EXOSC7: variants seen among roughly 807,000 people sequenced by gnomAD.
EXOSC7 encodes exosome complex component RRP42.
A neutral mutation model predicts 34.3 loss-of-function variants in EXOSC7; 25 were observed. That is an observed-to-expected ratio of 0.73 (90% CI 0.53 to 1.02). The LOEUF (loss-of-function observed/expected upper bound fraction) is 1.02, where lower values mean the gene tolerates loss of function less well. Among genes scored for constraint, EXOSC7 ranks in the 50% least tolerant of loss-of-function variants. The probability of loss-of-function intolerance (pLI) is 0.00; values close to 1 mark genes in which losing one functional copy is unlikely to be tolerated. For missense variants in EXOSC7, 370 were observed against 368.5 expected (o/e 1.00, Z -0.03); for synonymous variants, 130 against 143.0 (o/e 0.91, Z 0.65).
At chr3:44,978,941 A>C (rs1706198436) in intron 1 of EXOSC7, among the ~76,000 whole-genome samples, 1 of 152,134 alleles carries the variant, frequency 6.6e-6, no homozygotes, top group Non-Finnish European at 1.5e-5. Flanking sequence ...TGGGTGATGT[A>C]AGCTTTAAAG....
chr3:45,011,323 T>G lies in EXOSC7; in HGVS notation c.860T>G (p.Val287Gly). The G allele has an allele frequency of 1.2e-6, 2 of 1,611,394 alleles. No individual in the cohort carries two copies. The highest frequency in any genetic ancestry group is 1.7e-6 in the Non-Finnish European group (2 of 1,178,126). ...EESLGPKRQK[V>G]GFLG ...AGCCTGGGGCCCAAGAGACAGAAAG[T>G]TGGATTCCTGGGATGATTTGCACAT... Residue 287 changes from valine (V) to glycine (G), a missense_variant, in exon 8 of 8, where the codon GTT (valine) becomes GGT (glycine). Physicochemically the swap from Val to Gly is moderately radical, Grantham distance 109. Around this residue, in one of 3 missense-constraint regions of EXOSC7, gnomAD observed 255 missense variants for 246.4 expected, o/e 1.03. Coordinates refer to ENST00000265564, the MANE Select transcript of EXOSC7 (RefSeq NM_015004.4).
intron 6 of EXOSC7, among the ~76,000 whole-genome samples, chr3:45,006,428 G>C (rs1358251337): frequency 3.0e-5 from 1 of 33,758 alleles, no homozygotes; most frequent in African/African-American, 1.0e-4. Flanking sequence ...TTTTTTTTTT[G>C]AGACAGAGTC....
intron 4 of EXOSC7, among the ~76,000 whole-genome samples, chr3:44,998,808 T>C (rs768627329): frequency 7.9e-5 from 12 of 152,192 alleles, no homozygotes; most frequent in Admixed American, 2.0e-4. Flanking sequence ...GTATGATTCC[T>C]ACTAAGTTGG....
intron 1 of EXOSC7, 77 bp from the exon 2 acceptor site, chr3:44,989,063 G>A: frequency 4.2e-6 from 4 of 944,002 alleles, no homozygotes; most frequent in Non-Finnish European, 6.8e-6. Context: ...ATCTTCTCTA[G>A]GGGGAAAATG....
At chr3:44,987,789 A>G (rs913168877) in intron 1 of EXOSC7, among the ~76,000 whole-genome samples, 7 of 152,254 alleles carry the variant, frequency 4.6e-5, no homozygotes, top group Admixed American at 6.5e-5. Flanking sequence ...CTAAGATTGA[A>G]CAAATACAGA....
chr3:45,004,991 A>G (rs1706992147), intron 5 of EXOSC7: 1 of 262,232 alleles, frequency 3.8e-6, no homozygotes, highest in South Asian at 1.0e-4. Flanking sequence ...TATTTTTTAT[A>G]TCTATGGTCT....
rs191121266 is a variant in EXOSC7, at chr3:44,977,727, G to A, written c.57+1393G>A. ...TTTTATCCTCAAAGTATTTTTTTAG[G>A]GACACATTACGGATAACCGTTTTCC... On this transcript the variant is annotated intron_variant, in intron 1 of 7. Transcript: ENST00000265564. Among the ~76,000 whole-genome samples the A allele has an allele frequency of 1.1e-3, 164 of 152,074 alleles. 1 individual carries two copies. The highest frequency in any genetic ancestry group is 1.3e-3 in the Non-Finnish European group (90 of 67,990).
At chr3:44,978,950 A>C (rs1485668397) in intron 1 of EXOSC7, among the ~76,000 whole-genome samples, 2 of 152,204 alleles carry the variant, frequency 1.3e-5, no homozygotes, top group Non-Finnish European at 2.9e-5. Flanking sequence ...TAAGCTTTAA[A>C]GGGGGAATGA....
chr3:44,989,270 AGGT>A, intron 2 of EXOSC7, 29 bp downstream of exon 2: 1 of 1,535,126 alleles, frequency 6.5e-7, no homozygotes, highest in Non-Finnish European at 9.0e-7. Context: ...GTTCAAGCCC[AGGT>A]GGAGAAATGA....
intron 1 of EXOSC7, among the ~76,000 whole-genome samples, chr3:44,986,453 A>G (rs886705453): frequency 1.3e-5 from 2 of 151,758 alleles, no homozygotes; most frequent in Non-Finnish European, 2.9e-5. Context: ...CACTGCCCGC[A>G]GCCCTGGTTC....
intron 1 of EXOSC7, among the ~76,000 whole-genome samples, chr3:44,981,655 C>T (rs1449773558): frequency 6.6e-6 from 1 of 152,194 alleles, no homozygotes; most frequent in African/African-American, 2.4e-5. Flanking sequence ...CAGTGGCTCA[C>T]ACCTGTAATC....
At chr3:44,989,513 T>A (rs574714066) in intron 2 of EXOSC7, 37 bp from the exon 3 acceptor site, 24 of 1,523,048 alleles carry the variant, frequency 1.6e-5, no homozygotes, top group Admixed American at 1.3e-4. Context: ...CCTGGCTGCA[T>A]ACTCTGAGTG....
chr3:45,005,384 G>C lies in EXOSC7; in HGVS notation c.585G>C (p.Glu195Asp). 1 of 1,614,152 alleles carries C rather than the reference G, an allele frequency of 6.2e-7. No homozygotes were observed. Among genetic ancestry groups the C allele is most frequent in the Non-Finnish European group, 8.5e-7 (1 of 1,180,010 alleles). Residue 195 changes from glutamate (E) to aspartate (D), a missense_variant, in exon 6 of 8, where the codon GAG becomes GAC. Physicochemically the swap from Glu to Asp is conservative, Grantham distance 45. Around this residue, in one of 3 missense-constraint regions of EXOSC7, gnomAD observed 255 missense variants for 246.4 expected, o/e 1.03. Transcript: ENST00000265564. ...DPYDCIRLSV[E>D]NVPCIVTLCK... ...ATGACTGCATACGACTAAGTGTGGA[G>C]AATGTCCCCTGCATTGTCACTCTGT...
intron 3 of EXOSC7, among the ~76,000 whole-genome samples, chr3:44,992,134 T>A (rs1706590912): frequency 6.6e-6 from 1 of 152,236 alleles, no homozygotes; most frequent in Non-Finnish European, 1.5e-5. Flanking sequence ...CCCGTGGATG[T>A]GCCCAGCAAT....
intron 3 of EXOSC7, 111 bp from the exon 4 acceptor site, chr3:44,996,976 C>T (rs1476085512): frequency 1.2e-5 from 13 of 1,093,690 alleles, no homozygotes; most frequent in South Asian, 4.4e-5. Flanking sequence ...GACTTTCTGT[C>T]GAGCAGCTGG....
chr3:45,010,660 C>T (rs1272110390), intron 7 of EXOSC7, among the ~76,000 whole-genome samples: 2 of 152,048 alleles, frequency 1.3e-5, no homozygotes, highest in Non-Finnish European at 2.9e-5. Flanking sequence ...TGATGTGTTT[C>T]GATTCTAACA....
chr3:44,979,744 A>G (rs1040946543), intron 1 of EXOSC7, among the ~76,000 whole-genome samples: 2 of 152,216 alleles, frequency 1.3e-5, no homozygotes, highest in Non-Finnish European at 2.9e-5. Flanking sequence ...TTCCAAGAGA[A>G]AGAAACTCTA....
Position 44,976,304 on chromosome 3 carries a change from G to A in EXOSC7, c.27G>A (p.Ala9=), listed in dbSNP as rs756019605. 1.9e-6 allele frequency: 3 copies of A among 1,564,010 alleles called. No homozygotes were observed. In the African/African-American group the frequency reaches 4.2e-5, roughly 22 times the overall value. The change falls in exon 1 of 8, where the codon GCG becomes GCA. Residue 9 remains alanine (A), a synonymous_variant. Coordinates refer to ENST00000265564, the MANE Select transcript of EXOSC7 (RefSeq NM_015004.4). The stretch of plus-strand genomic sequence containing the variant: ...TGGCGTCCGTGACGCTGAGCGAGGC[G>A]GAGAAGGTGTACATCGTGCATGGCG... MASVTLSE[A]EKVYIVHGVQ...
In EXOSC7 at chr3:44,997,120, A is replaced by T; in HGVS notation, c.288A>T (p.Arg96Ser). The T allele has an allele frequency of 6.2e-6, 10 of 1,613,962 alleles. No individual in the cohort carries two copies. The highest frequency in any genetic ancestry group is 8.5e-6 in the Non-Finnish European group (10 of 1,179,962). The change falls in exon 4 of 8, where the codon AGA becomes AGT. Residue 96 changes from arginine (R) to serine (S), a missense_variant. Around this residue, in one of 3 missense-constraint regions of EXOSC7, gnomAD observed 255 missense variants for 246.4 expected, o/e 1.03. Coordinates refer to ENST00000265564, the MANE Select transcript of EXOSC7 (RefSeq NM_015004.4). ...SASATPEFEG[R>S]GGDDLGTEIA... is the part of the protein sequence containing the mutation. Reference sequence around the variant, plus strand: ...GTGCTACCCCTGAATTTGAAGGTAGAGGAGGTGATGACCTTGGCACCGAGA... The same window carrying T: ...GTGCTACCCCTGAATTTGAAGGTAGTGGAGGTGATGACCTTGGCACCGAGA...
Sources: allele counts gnomAD v4.1 joint callset (sites outside exome capture counted in the v4.1 genomes callset), GRCh38; gene constraint gnomAD v4.1.1; regional missense constraint gnomAD v4.1.1; transcripts MANE v1.5; gene names NCBI Gene and HGNC (gene_info 2026-07-23, HGNC 2026-07-21).